The following AOAH variants were observed in gnomAD, a reference collection of about 807,000 sequenced individuals.
AOAH encodes acyloxyacyl hydrolase.
Under a neutral mutation model 92.2 loss-of-function variants are expected in AOAH, and 64 were observed. That is an observed-to-expected ratio of 0.69 (90% CI 0.57 to 0.86). AOAH has a LOEUF of 0.86. Ranked by LOEUF, AOAH falls within the 40% of genes least tolerant of loss-of-function variation. AOAH has a pLI of 0.00. For missense variants in AOAH, 656 were observed against 694.6 expected (o/e 0.94, Z 0.62); for synonymous variants, 263 against 254.5 (o/e 1.03, Z -0.32).
chr7:36,659,053 C>T, intron 4 of AOAH, 113 bp downstream of exon 4: 2 of 861,278 alleles, frequency 2.3e-6, no homozygotes, highest in East Asian at 2.4e-5. Flanking sequence ...TGTCATCTTG[C>T]CTCTCCCTGT....
At chr7:36,616,275 G>C in intron 11 of AOAH, 105 bp downstream of exon 11, 2 of 887,818 alleles carry the variant, frequency 2.3e-6, no homozygotes, top group Admixed American at 4.1e-5. Context: ...TTGCTAAAGA[G>C]GGAAATTTGC....
At chr7:36,532,087 G>T in intron 18 of AOAH, 60 bp downstream of exon 18, 1 of 1,589,518 alleles carries the variant, frequency 6.3e-7, no homozygotes, top group Non-Finnish European at 8.6e-7. Context: ...TGAAAACTCT[G>T]CAGCAAACAC....
chr7:36,553,923 T>C (rs1786479606), intron 13 of AOAH, among the ~76,000 whole-genome samples: 1 of 152,136 alleles, frequency 6.6e-6, no homozygotes, highest in Non-Finnish European at 1.5e-5. Context: ...TTTTCTCCCA[T>C]TTTGTAGGTT....
chr7:36,652,673 C>A (rs1410525757), intron 4 of AOAH, among the ~76,000 whole-genome samples: 3 of 152,204 alleles, frequency 2.0e-5, no homozygotes, highest in African/African-American at 7.2e-5. Context: ...GGGTGCTTCA[C>A]CTCTGTGGTG....
chr7:36,599,980 C>T (rs1790431665), intron 11 of AOAH: 1 of 152,528 alleles, frequency 6.6e-6, no homozygotes, highest in Non-Finnish European at 1.5e-5. Context: ...TTCACACACA[C>T]TTTCCTGCCA....
intron 6 of AOAH, 106 bp from the exon 7 acceptor site, chr7:36,623,356 C>T: frequency 2.2e-6 from 2 of 929,364 alleles, no homozygotes; most frequent in East Asian, 2.6e-5. Flanking sequence ...TGAGTTTATG[C>T]CACAGAGGGC....
chr7:36,648,165 G>A (rs1794353645), intron 4 of AOAH, among the ~76,000 whole-genome samples: 1 of 152,116 alleles, frequency 6.6e-6, no homozygotes, highest in Non-Finnish European at 1.5e-5. Flanking sequence ...CCCTCTTAGA[G>A]TTTTAAGCCT....
chr7:36,649,563 C>T (rs1215914520), intron 4 of AOAH, among the ~76,000 whole-genome samples: 3 of 152,176 alleles, frequency 2.0e-5, no homozygotes, highest in Non-Finnish European at 4.4e-5. Flanking sequence ...AAGAAATAGC[C>T]AATCATCTAT....
chr7:36,720,629 T>G (rs2117041739), intron 1 of AOAH, among the ~76,000 whole-genome samples: 1 of 152,270 alleles, frequency 6.6e-6, no homozygotes, highest in East Asian at 1.9e-4. Context: ...TTTAAAGAGT[T>G]TTAGAGAAAG....
chr7:36,664,587 G>T (rs765749244), intron 3 of AOAH, among the ~76,000 whole-genome samples: 2 of 151,956 alleles, frequency 1.3e-5, no homozygotes, highest in African/African-American at 4.8e-5. Context: ...ATATTGTGTC[G>T]ACCATTCTTG....
At chr7:36,659,109 T>C in intron 4 of AOAH, 57 bp downstream of exon 4, 3 of 1,444,940 alleles carry the variant, frequency 2.1e-6, no homozygotes, top group Non-Finnish European at 2.9e-6. Flanking sequence ...CTTTCTAACA[T>C]TTCCAAAAGC....
chr7:36,569,974 T>C (rs930856524), intron 13 of AOAH, among the ~76,000 whole-genome samples: 2 of 152,176 alleles, frequency 1.3e-5, no homozygotes, highest in Admixed American at 6.5e-5. Context: ...CTTGATTTTA[T>C]TTTTTGTCTT....
rs1210965442 is a variant in AOAH, at chr7:36,513,287, T to C, written c.1693A>G (p.Ile565Val). Residue 565 changes from isoleucine to valine, a missense_variant, in exon 21 of 21, where the codon ATT (isoleucine) becomes GTT (valine). Coordinates refer to ENST00000617537, the MANE Select transcript of AOAH (RefSeq NM_001637.4). ...LGKENPFNPQIKQVFGDQGGH is the reference protein window; with the variant it reads ...LGKENPFNPQVKQVFGDQGGH ...CCTTGGTCTCCAAACACCTGTTTAA[T>C]CTGGGGGTTGAACGGATTCTCCTTT... is the stretch of plus-strand genomic sequence containing the variant. 6.8e-6 allele frequency: 11 copies of C among 1,614,074 alleles called. No individual in the cohort carries two copies. Among genetic ancestry groups the C allele is most frequent in the Non-Finnish European group, 8.5e-6 (10 of 1,180,030 alleles).
At position 36,535,024 on chromosome 7, in the gene AOAH, C is replaced by CTGTGTGTG. The variant is rs10669954; in HGVS notation, c.1307-2688_1307-2681dup. Among the ~76,000 whole-genome samples, 1,045 of 144,968 alleles carry CTGTGTGTG rather than the reference C, an allele frequency of 7.2e-3. 8 individuals are homozygous for CTGTGTGTG. The highest frequency in any genetic ancestry group is 0.014 in the South Asian group (64 of 4,506). On this transcript the variant is annotated intron_variant, in intron 16 of 20. Coordinates refer to ENST00000617537, the MANE Select transcript of AOAH (RefSeq NM_001637.4). ...TGTGTGTATCTGTGTGTGTCTGTGT[C>CTGTGTGTG]TGTGTGTGTGTCTGTGTGTGTGTAT...
chr7:36,670,162 A>C (rs1477941745), intron 3 of AOAH, among the ~76,000 whole-genome samples: 3 of 152,182 alleles, frequency 2.0e-5, no homozygotes, highest in Non-Finnish European at 4.4e-5. Context: ...AGTGGTGTGA[A>C]ATAATAAGGA....
chr7:36,513,253 C>T lies in AOAH; in HGVS notation c.1727G>A (p.Ter576=). The change falls in exon 21 of 21, where the codon TGA becomes TAA. Residue 576 remains the stop codon, a stop_retained_variant. Coordinates refer to ENST00000617537, the MANE Select transcript of AOAH (RefSeq NM_001637.4). ...KQVFGDQGGH[*] ...CAGGGGTGCATGCTCCTGAGAGGCT[C>T]AGTGCCCGCCTTGGTCTCCAAACAC... The T allele has an allele frequency of 6.2e-7, 1 of 1,614,176 alleles. No homozygotes were observed. Among genetic ancestry groups the T allele is most frequent in the Non-Finnish European group, 8.5e-7 (1 of 1,180,020 alleles).
At chr7:36,689,794 C>T (rs1038865901) in intron 1 of AOAH, among the ~76,000 whole-genome samples, 2 of 152,154 alleles carry the variant, frequency 1.3e-5, no homozygotes, top group African/African-American at 4.8e-5. Context: ...CTCACTAATA[C>T]CTAAAATAAT....
At chr7:36,639,678 A>G (rs181905011) in intron 4 of AOAH, among the ~76,000 whole-genome samples, 1 of 152,208 alleles carries the variant, frequency 6.6e-6, no homozygotes, top group Non-Finnish European at 1.5e-5. Context: ...TCAGTAATAA[A>G]TGCTTTCAAA....
intron 4 of AOAH, among the ~76,000 whole-genome samples, chr7:36,645,233 G>C (rs540244658): frequency 7.9e-5 from 12 of 152,256 alleles, no homozygotes; most frequent in African/African-American, 2.9e-4. Flanking sequence ...CCCTCACAAT[G>C]GGAGGAGTGC....
Sources: gnomAD v4.1 joint callset for allele counts (sites outside exome capture counted in the v4.1 genomes callset) on GRCh38, gnomAD v4.1.1 for gene constraint, MANE v1.5 for transcripts, NCBI Gene and HGNC (gene_info 2026-07-23, HGNC 2026-07-21) for gene names.